USP34: variants seen among roughly 807,000 people sequenced by gnomAD.
USP34 encodes the protein ubiquitin carboxyl-terminal hydrolase 34.
In USP34, 70 loss-of-function variants were observed where a neutral mutation model predicts 460.3. The observed-to-expected ratio is 0.15, with a 90% CI of 0.13 to 0.19. USP34 has a LOEUF of 0.19. Among genes scored for constraint, USP34 ranks in the 10% least tolerant of loss-of-function variants. The probability of loss-of-function intolerance (pLI) is 1.00; values close to 1 mark genes in which losing one functional copy is unlikely to be tolerated. For missense variants in USP34, 3,985 were observed against 4,236.2 expected (o/e 0.94, Z 1.65); for synonymous variants, 1,647 against 1,405.3 (o/e 1.17, Z -3.85).
intron 21 of USP34, among the ~76,000 whole-genome samples, chr2:61,321,994 C>T (rs11125874): frequency 0.68 from 104,062 of 152,016 alleles, 35,838 homozygotes; most frequent in South Asian, 0.8. Context: ...TTTGGGAGGC[C>T]GAGGTGGGTG....
rs572275603 is a variant in USP34, at chr2:61,446,695, C to G, written c.43+23955G>C. ...CCTGTAATCTCAGCTACTCAGGAGG[C>G]TGAGGTGAGAGAATCCCTAGAACCT... On this transcript the variant is annotated intron_variant, in intron 1 of 79. Coordinates refer to ENST00000398571, the MANE Select transcript of USP34 (RefSeq NM_014709.4). Among the ~76,000 whole-genome samples the G allele has an allele frequency of 2.5e-4, 38 of 151,648 alleles. No individual in the cohort carries two copies. The South Asian group carries it at 7.5e-3, about 30-fold the overall frequency.
intron 75 of USP34, among the ~76,000 whole-genome samples, chr2:61,195,992 C>G (rs976235292): frequency 6.6e-6 from 1 of 151,446 alleles, no homozygotes; most frequent in Non-Finnish European, 1.5e-5. Context: ...CTGCAACCTC[C>G]GCCTCCTGGG....
At chr2:61,246,133 A>C (rs938561967) in intron 50 of USP34, among the ~76,000 whole-genome samples, 191 bp downstream of exon 50, 1 of 152,234 alleles carries the variant, frequency 6.6e-6, no homozygotes, top group Non-Finnish European at 1.5e-5. Flanking sequence ...AAGGATTCAA[A>C]TTCTCAAGAG....
At chr2:61,305,514 GA>G (rs1194665665) in intron 27 of USP34, among the ~76,000 whole-genome samples, 1 of 151,938 alleles carries the variant, frequency 6.6e-6, no homozygotes, top group Non-Finnish European at 1.5e-5. Flanking sequence ...AAGGAAGAAA[GA>G]AAAGGAACAG....
chr2:61,282,114 C>T (rs1190242283), intron 37 of USP34, among the ~76,000 whole-genome samples: 3 of 152,074 alleles, frequency 2.0e-5, no homozygotes, highest in African/African-American at 4.8e-5. Context: ...CTCAGCCTCC[C>T]GAGTAACTGA....
At chr2:61,321,176 A>C (rs965868137) in intron 21 of USP34, among the ~76,000 whole-genome samples, 1 of 152,034 alleles carries the variant, frequency 6.6e-6, no homozygotes, top group Non-Finnish European at 1.5e-5. Context: ...TCTTTAAAAA[A>C]AAAAACAAAA....
At chr2:61,381,262 TAAAA>T (rs1558561030) in intron 6 of USP34, among the ~76,000 whole-genome samples, 2 of 147,538 alleles carry the variant, frequency 1.4e-5, no homozygotes, top group Non-Finnish European at 3.0e-5. Flanking sequence ...TAAAAAAAAA[TAAAA>T]CACACACACA....
chr2:61,363,897 T>C (rs544774788), intron 10 of USP34, among the ~76,000 whole-genome samples: 5 of 152,248 alleles, frequency 3.3e-5, no homozygotes, highest in Non-Finnish European at 5.9e-5. Flanking sequence ...TGCTATGACA[T>C]AGATTATCAC....
At chr2:61,247,893 A>C (rs1572869117) in intron 49 of USP34, among the ~76,000 whole-genome samples, 2 of 152,342 alleles carry the variant, frequency 1.3e-5, no homozygotes, top group Middle Eastern at 3.4e-3. Flanking sequence ...AAAGAAGGAT[A>C]AACGAGCAAG....
chr2:61,257,334 G>A lies in USP34; in HGVS notation c.5861C>T (p.Ala1954Val). ...FTYLMESECK[A>V]YNPRPFCKTY... ...TTTACAGAAAGGTCTAGGATTATATGCTTTGCATTCACTCTCCTGCAAATA... is the reference window on the plus strand; with the variant it reads ...TTTACAGAAAGGTCTAGGATTATATACTTTGCATTCACTCTCCTGCAAATA... The change falls in exon 45 of 80, where the codon GCA becomes GTA. Residue 1954 changes from alanine (A) to valine (V), a missense_variant. Physicochemically the swap from Ala to Val is moderately conservative, Grantham distance 64. Around this residue, in one of 14 missense-constraint regions of USP34, gnomAD observed 145 missense variants for 291.6 expected, o/e 0.50. Coordinates refer to ENST00000398571, the MANE Select transcript of USP34 (RefSeq NM_014709.4). 4 of 1,599,056 alleles carry A rather than the reference G, an allele frequency of 2.5e-6. No homozygotes were observed. Among genetic ancestry groups the A allele is most frequent in the Admixed American group, 1.7e-5 (1 of 57,674 alleles).
At position 61,232,442 on chromosome 2, in the gene USP34, T is replaced by C. The variant is rs1315581882; in HGVS notation, c.7113+10A>G. 6.3e-7 allele frequency: 1 copy of C among 1,594,636 alleles called. No individual in the cohort carries two copies. On this transcript the variant is annotated intron_variant, in intron 58 of 79. Coordinates refer to ENST00000398571, the MANE Select transcript of USP34 (RefSeq NM_014709.4). ...TCCAAATAATTTTTTTCAAACATAT[T>C]TTTCCTTACCTGTCTCACAATTTGA...
At chr2:61,347,509 G>C (rs537957361) in intron 15 of USP34, among the ~76,000 whole-genome samples, 1 of 152,140 alleles carries the variant, frequency 6.6e-6, no homozygotes, top group Admixed American at 6.5e-5. Flanking sequence ...AAGTAGCTGG[G>C]ATTACAGGCG....
chr2:61,439,061 C>A (rs1573042601), intron 1 of USP34, among the ~76,000 whole-genome samples: 1 of 152,202 alleles, frequency 6.6e-6, no homozygotes, highest in Non-Finnish European at 1.5e-5. Context: ...AAGGCAATTT[C>A]ATTTACAATA....
chr2:61,247,546 A>T (rs1181316945), intron 49 of USP34, among the ~76,000 whole-genome samples: 1 of 152,182 alleles, frequency 6.6e-6, no homozygotes, highest in Admixed American at 6.5e-5. Context: ...TTTTTTTCAA[A>T]TAGATGGAGT....
At chr2:61,390,270 T>A (rs941422763) in intron 5 of USP34, among the ~76,000 whole-genome samples, 1 of 152,204 alleles carries the variant, frequency 6.6e-6, no homozygotes, top group African/African-American at 2.4e-5. Context: ...ATGTATGAAA[T>A]GACAAACTCT....
intron 8 of USP34, among the ~76,000 whole-genome samples, chr2:61,372,069 A>G (rs1264037144): frequency 6.6e-6 from 1 of 152,166 alleles, no homozygotes; most frequent in Non-Finnish European, 1.5e-5. Flanking sequence ...GTGGAAGAAA[A>G]TAAGTTTCAA....
chr2:61,465,942 A>G (rs984503110), intron 1 of USP34, among the ~76,000 whole-genome samples: 3 of 152,052 alleles, frequency 2.0e-5, no homozygotes, highest in African/African-American at 7.2e-5. Context: ...GCGCCACTGC[A>G]CTCCAGCCTG....
chr2:61,196,381 C>T (rs976217218), intron 75 of USP34, among the ~76,000 whole-genome samples: 11 of 151,760 alleles, frequency 7.2e-5, no homozygotes, highest in East Asian at 5.8e-4. Flanking sequence ...TGAGCCACCG[C>T]GCCCGGCCAA....
At chr2:61,233,399 T>C (rs1472800903) in intron 57 of USP34, among the ~76,000 whole-genome samples, 1 of 152,144 alleles carries the variant, frequency 6.6e-6, no homozygotes, top group Non-Finnish European at 1.5e-5. Flanking sequence ...CTTTTATAGA[T>C]TAAGGAAGAC....
Sources: gnomAD v4.1 joint callset for allele counts (sites outside exome capture counted in the v4.1 genomes callset) on GRCh38, gnomAD v4.1.1 for gene constraint, gnomAD v4.1.1 regional missense constraint, MANE v1.5 for transcripts, NCBI Gene and HGNC (gene_info 2026-07-23, HGNC 2026-07-21) for gene names.